Variants in LUC7L2 observed in about 807,000 individuals in gnomAD.
LUC7L2 encodes putative RNA-binding protein Luc7-like 2.
In LUC7L2, 25 loss-of-function variants were observed where a neutral mutation model predicts 52.8. That is an observed-to-expected ratio of 0.47 (90% CI 0.34 to 0.66). LUC7L2 has a LOEUF of 0.66. Ranked by LOEUF, LUC7L2 falls within the 30% of genes least tolerant of loss-of-function variation. LUC7L2 has a pLI of 0.01. For missense variants in LUC7L2, 328 were observed against 497.8 expected, an observed-to-expected ratio of 0.66 and a Z score of 3.25; for synonymous variants, 144 against 160.9, an observed-to-expected ratio of 0.89 and a Z score of 0.80.
At chr7:139,344,518 C>G (rs1403207116) in intron 1 of LUC7L2, among the ~76,000 whole-genome samples, 1 of 151,738 alleles carries the variant, frequency 6.6e-6, no homozygotes, top group Non-Finnish European at 1.5e-5. Flanking sequence ...TTATTTTTTT[C>G]TGAGTATTTT....
intron 1 of LUC7L2, chr7:139,345,845 CATTTCAT>C: frequency 1.1e-6 from 1 of 904,432 alleles, no homozygotes. Flanking sequence ...ATTAACTGGA[CATTTCAT>C]CTTTACTCTC....
At chr7:139,398,893 G>A (rs1431043198) in intron 3 of LUC7L2, among the ~76,000 whole-genome samples, 196 bp downstream of exon 3, 2 of 152,138 alleles carry the variant, frequency 1.3e-5, no homozygotes, top group African/African-American at 2.4e-5. Flanking sequence ...TTAAGAAAAT[G>A]TGTAACAGTC....
intron 2 of LUC7L2, among the ~76,000 whole-genome samples, chr7:139,396,428 G>C (rs1015820407): frequency 3.3e-5 from 5 of 152,158 alleles, no homozygotes; most frequent in African/African-American, 1.2e-4. Context: ...AGGTGACAAA[G>C]TGAGACCTTG....
At chr7:139,373,841 G>T (rs748925707) in intron 1 of LUC7L2, among the ~76,000 whole-genome samples, 1 of 152,190 alleles carries the variant, frequency 6.6e-6, no homozygotes, top group Non-Finnish European at 1.5e-5. Context: ...AAATGATTCT[G>T]CTGTTGCCAT....
intron 1 of LUC7L2, among the ~76,000 whole-genome samples, chr7:139,342,091 A>G (rs893788449): frequency 5.9e-5 from 9 of 152,172 alleles, no homozygotes; most frequent in African/African-American, 2.2e-4. Flanking sequence ...AGAATGTAAA[A>G]TCTTAGAACT....
chr7:139,377,443 G>C (rs1800773302), intron 2 of LUC7L2, among the ~76,000 whole-genome samples: 1 of 151,972 alleles, frequency 6.6e-6, no homozygotes, highest in Non-Finnish European at 1.5e-5. Context: ...ACCCAAGCTG[G>C]AGTGCGGTGG....
chr7:139,341,238 A>G (rs958461593), intron 1 of LUC7L2: 31 of 1,389,282 alleles, frequency 2.2e-5, no homozygotes, highest in Non-Finnish European at 2.9e-5. Flanking sequence ...GGTTCGGTCA[A>G]CGGACAAGTG....
chr7:139,374,862 CT>C, intron 1 of LUC7L2: 2 of 1,000,848 alleles, frequency 2.0e-6, no homozygotes, highest in Non-Finnish European at 2.4e-6. Context: ...AAGTTTTAAT[CT>C]TTTTTGTTAT....
chr7:139,379,680 C>T (rs1800898248), intron 2 of LUC7L2, among the ~76,000 whole-genome samples: 1 of 148,278 alleles, frequency 6.7e-6, no homozygotes, highest in South Asian at 2.2e-4. Context: ...GTGATTCTGC[C>T]TCAGCCTCCC....
At chr7:139,415,438 G>C (rs2116317464) in intron 8 of LUC7L2, among the ~76,000 whole-genome samples, 1 of 152,066 alleles carries the variant, frequency 6.6e-6, no homozygotes, top group African/African-American at 2.4e-5. Flanking sequence ...GTTATACATT[G>C]GAAGAAATGG....
intron 1 of LUC7L2, among the ~76,000 whole-genome samples, chr7:139,363,976 C>CTTTTTTTTTTTTTTTTTTTTTTT (rs1169793101): frequency 4.2e-5 from 4 of 96,080 alleles, no homozygotes; most frequent in Admixed American, 1.1e-4. Flanking sequence ...AGATTACATC[C>CTTTTTTTTTTTTTTTTTTTTTTT]TTTTTTTTTT....
chr7:139,341,321 C>T (rs779672664), intron 1 of LUC7L2: 18 of 1,553,794 alleles, frequency 1.2e-5, no homozygotes, highest in Non-Finnish European at 1.5e-5. Flanking sequence ...GCGCCTGGGC[C>T]GGAGGAGGGG....
intron 1 of LUC7L2, among the ~76,000 whole-genome samples, chr7:139,342,305 G>A (rs1049854162): frequency 2.0e-5 from 3 of 152,140 alleles, no homozygotes; most frequent in Non-Finnish European, 4.4e-5. Context: ...GGTAGTTAGG[G>A]AAGGTTTTCC....
intron 1 of LUC7L2, among the ~76,000 whole-genome samples, chr7:139,360,563 A>G (rs1585072371): frequency 2.6e-5 from 4 of 152,268 alleles, no homozygotes; most frequent in African/African-American, 7.2e-5. Flanking sequence ...GGAGGCAGAA[A>G]GGAGAGTTTG....
chr7:139,412,284 GAGA>G (rs746223939), intron 7 of LUC7L2, among the ~76,000 whole-genome samples: 1 of 151,878 alleles, frequency 6.6e-6, no homozygotes, highest in African/African-American at 2.4e-5. Context: ...TAGCGTTTCG[GAGA>G]AGGAGTACTC....
chr7:139,411,050 T>G (rs1795338105), intron 7 of LUC7L2, among the ~76,000 whole-genome samples: 1 of 152,226 alleles, frequency 6.6e-6, no homozygotes, highest in South Asian at 2.1e-4. Context: ...CCCAGTATTC[T>G]AATATATAAG....
At chr7:139,419,578 C>T (rs1302804319) in intron 9 of LUC7L2, among the ~76,000 whole-genome samples, 5 of 152,210 alleles carry the variant, frequency 3.3e-5, no homozygotes, top group Non-Finnish European at 7.3e-5. Flanking sequence ...AGACATTTTC[C>T]TGTGTCAAAT....
chr7:139,381,535 G>A (rs1004296879), intron 2 of LUC7L2, among the ~76,000 whole-genome samples: 13 of 150,086 alleles, frequency 8.7e-5, no homozygotes, highest in Non-Finnish European at 5.9e-5. Flanking sequence ...TCAGCCTCCC[G>A]AGTAGCTGGG....
At chr7:139,383,777 A>G (rs1321809938) in intron 2 of LUC7L2, among the ~76,000 whole-genome samples, 3 of 114,312 alleles carry the variant, frequency 2.6e-5, no homozygotes, top group African/African-American at 1.9e-4. Flanking sequence ...TCTTTCGCCT[A>G]GGCTGGAGTG....
Sources: gnomAD v4.1 joint callset for allele counts (sites outside exome capture counted in the v4.1 genomes callset) on GRCh38, gnomAD v4.1.1 for gene constraint, MANE v1.5 for transcripts, NCBI Gene and HGNC (gene_info 2026-07-23, HGNC 2026-07-21) for gene names.